HS3ST4: variants seen among roughly 807,000 people sequenced by gnomAD.
HS3ST4 encodes the protein heparan sulfate-glucosamine 3-sulfotransferase 4, also known as heparan sulfate glucosamine 3-O-sulfotransferase 4.
HS3ST4 carries 17 observed loss-of-function variants against 29.2 expected under a neutral mutation model. The ratio of observed to expected loss-of-function variants is 0.58; its 90% confidence interval spans 0.40 to 0.87. The LOEUF (loss-of-function observed/expected upper bound fraction) is 0.87. Among genes scored for constraint, HS3ST4 ranks in the 40% least tolerant of loss-of-function variants. The pLI, the probability that HS3ST4 is intolerant of heterozygous loss-of-function variation, is 0.00. For synonymous variants in HS3ST4, 314 were observed against 285.7 expected, an observed-to-expected ratio of 1.10 and a Z score of -1.00; for missense variants, 627 against 634.5, an observed-to-expected ratio of 0.99 and a Z score of 0.13.
At chr16:25,711,644 G>C (rs1320450610) in intron 1 of HS3ST4, among the ~76,000 whole-genome samples, 1 of 152,146 alleles carries the variant, frequency 6.6e-6, no homozygotes, top group African/African-American at 2.4e-5. Context: ...GTGTTCTCAT[G>C]AGTAGAACTT....
chr16:26,061,981 C>G (rs1258004251), intron 1 of HS3ST4, among the ~76,000 whole-genome samples: 5 of 152,166 alleles, frequency 3.3e-5, no homozygotes, highest in African/African-American at 1.2e-4. Flanking sequence ...ACATGCTCAT[C>G]CTGAAATGAA....
At chr16:25,809,027 T>C (rs576897724) in intron 1 of HS3ST4, among the ~76,000 whole-genome samples, 1 of 152,272 alleles carries the variant, frequency 6.6e-6, no homozygotes, top group African/African-American at 2.4e-5. Context: ...GTTACAAGCA[T>C]GTTATCTGCA....
chr16:25,709,948 C>T (rs1966404805), intron 1 of HS3ST4, among the ~76,000 whole-genome samples: 1 of 152,154 alleles, frequency 6.6e-6, no homozygotes, highest in Non-Finnish European at 1.5e-5. Flanking sequence ...AGTTTCATCA[C>T]ATTAAGTCTT....
rs202029686 is a variant in HS3ST4, at chr16:26,112,687, G to GA, written c.735-22917dup. ...GCAAAGAACTCCTACAAATAAAAAA[G>GA]AAAAAAAACAATTTGAAAGAAAAAC... On this transcript the variant is annotated intron_variant, in intron 1 of 1. Coordinates refer to ENST00000331351, the MANE Select transcript of HS3ST4 (RefSeq NM_006040.3). 2.9e-3 allele frequency among the ~76,000 whole-genome samples: 434 copies of GA among 150,868 alleles called. 1 individual carries two copies. The highest frequency in any genetic ancestry group is 1.0e-2 in the African/African-American group (410 of 41,148).
chr16:25,807,654 G>GT (rs745337071), intron 1 of HS3ST4, among the ~76,000 whole-genome samples: 2 of 152,094 alleles, frequency 1.3e-5, no homozygotes, highest in East Asian at 1.9e-4. Context: ...AAATTTCTAT[G>GT]TTTTTTCTAG....
intron 1 of HS3ST4, among the ~76,000 whole-genome samples, chr16:25,712,924 T>C (rs1397961297): frequency 6.6e-6 from 1 of 152,200 alleles, no homozygotes; most frequent in African/African-American, 2.4e-5. Flanking sequence ...TCTCCTTGGC[T>C]TGCAGACGGC....
chr16:26,109,648 G>A (rs948596903), intron 1 of HS3ST4, among the ~76,000 whole-genome samples: 1 of 151,606 alleles, frequency 6.6e-6, no homozygotes, highest in African/African-American at 2.4e-5. Context: ...ATACACTGCA[G>A]TGTACACGGT....
intron 1 of HS3ST4, among the ~76,000 whole-genome samples, chr16:26,078,871 C>T (rs1169409644): frequency 6.6e-6 from 1 of 152,132 alleles, no homozygotes; most frequent in Non-Finnish European, 1.5e-5. Flanking sequence ...TCTAACAGGT[C>T]ACAGTTGAGA....
At chr16:25,852,880 G>C (rs1967535731) in intron 1 of HS3ST4, among the ~76,000 whole-genome samples, 1 of 151,832 alleles carries the variant, frequency 6.6e-6, no homozygotes, top group Admixed American at 6.6e-5. Context: ...GTTTAATTTT[G>C]TGTGTGCAAT....
intron 1 of HS3ST4, among the ~76,000 whole-genome samples, chr16:26,016,366 A>G (rs1486683936): frequency 6.6e-6 from 1 of 152,226 alleles, no homozygotes; most frequent in Non-Finnish European, 1.5e-5. Flanking sequence ...TTTAGAAGCT[A>G]CGTGAACAGG....
At chr16:25,755,461 C>A (rs1966751518) in intron 1 of HS3ST4, among the ~76,000 whole-genome samples, 1 of 152,004 alleles carries the variant, frequency 6.6e-6, no homozygotes, top group South Asian at 2.1e-4. Context: ...CCATGGCATG[C>A]ATGGAGAGGT....
At chr16:25,816,057 GAAATA>G (rs759761378) in intron 1 of HS3ST4, among the ~76,000 whole-genome samples, 6 of 152,208 alleles carry the variant, frequency 3.9e-5, no homozygotes, top group South Asian at 4.1e-4. Flanking sequence ...ATCTAAAGGA[GAAATA>G]AAATAAAGGG....
intron 1 of HS3ST4, chr16:25,933,496 C>A: frequency 2.2e-6 from 1 of 455,498 alleles, no homozygotes; most frequent in Non-Finnish European, 4.4e-6. Context: ...TTTTAGATGC[C>A]ACAGCGAGAG....
chr16:26,101,011 G>A (rs913455464), intron 1 of HS3ST4, among the ~76,000 whole-genome samples: 5 of 152,134 alleles, frequency 3.3e-5, no homozygotes, highest in East Asian at 1.9e-4. Flanking sequence ...CATCTGCCCC[G>A]TTACTAAAGC....
intron 1 of HS3ST4, among the ~76,000 whole-genome samples, chr16:25,872,283 GTGTGTTCA>G (rs1567260997): frequency 1.8e-5 from 2 of 113,494 alleles, no homozygotes; most frequent in Non-Finnish European, 4.1e-5. Context: ...TGTCACACCA[GTGTGTTCA>G]CTTAGTCTGC....
At chr16:25,822,205 T>G (rs1010996196) in intron 1 of HS3ST4, among the ~76,000 whole-genome samples, 1 of 152,170 alleles carries the variant, frequency 6.6e-6, no homozygotes, top group Non-Finnish European at 1.5e-5. Context: ...CTCACCGTTC[T>G]GGAGGCTGGG....
intron 1 of HS3ST4, among the ~76,000 whole-genome samples, chr16:25,965,046 A>G (rs533285936): frequency 5.9e-5 from 9 of 152,296 alleles, no homozygotes; most frequent in African/African-American, 2.2e-4. Context: ...AGGCATTCAC[A>G]TGTTCACGCG....
chr16:25,798,570 C>T (rs1196846874), intron 1 of HS3ST4, among the ~76,000 whole-genome samples: 2 of 152,174 alleles, frequency 1.3e-5, no homozygotes, highest in African/African-American at 4.8e-5. Flanking sequence ...AAGAAAGCCA[C>T]ATGGACCATT....
intron 1 of HS3ST4, among the ~76,000 whole-genome samples, chr16:25,807,132 C>T (rs9921274): frequency 0.32 from 48,058 of 152,006 alleles, 8,166 homozygotes; most frequent in South Asian, 0.55. Flanking sequence ...GCTACCATGC[C>T]TGGCTAATTT....
Sources: gnomAD v4.1 joint callset for allele counts (sites outside exome capture counted in the v4.1 genomes callset) on GRCh38, gnomAD v4.1.1 for gene constraint, MANE v1.5 for transcripts, NCBI Gene and HGNC (gene_info 2026-07-23, HGNC 2026-07-21) for gene names.